SF3A1: variants seen among roughly 807,000 people sequenced by gnomAD.
SF3A1 encodes the protein SAP 114.
A neutral mutation model predicts 89.9 loss-of-function variants in SF3A1; 13 were observed. That is an observed-to-expected ratio of 0.14 (90% CI 0.09 to 0.23). The LOEUF (loss-of-function observed/expected upper bound fraction) is 0.23, where lower values mean the gene tolerates loss of function less well. SF3A1 is among the 10% of genes least tolerant of loss of function. The pLI, the probability that SF3A1 is intolerant of heterozygous loss-of-function variation, is 1.00. For synonymous variants in SF3A1, 405 were observed against 374.4 expected (o/e 1.08, Z -0.94); for missense variants, 604 against 1,022.1 (o/e 0.59, Z 5.58).
chr22:30,346,620 C>T, intron 2 of SF3A1, 101 bp from the exon 3 acceptor site: 1 of 1,345,840 alleles, frequency 7.4e-7, no homozygotes, highest in African/African-American at 1.4e-5. Context: ...CCACCCACTG[C>T]TCAAACCAGC....
At chr22:30,338,094 CT>C (rs1408915467) in intron 11 of SF3A1, among the ~76,000 whole-genome samples, 197 bp from the exon 12 acceptor site, 1 of 152,166 alleles carries the variant, frequency 6.6e-6, no homozygotes, top group Non-Finnish European at 1.5e-5. Context: ...GGATGACACT[CT>C]CTCTACTTGG....
rs756617459 is a variant in SF3A1 at position 30,335,660 on chromosome 22, T to C, written c.2200A>G (p.Thr734Ala). Residue 734 changes from threonine (T) to alanine (A), a missense_variant, in exon 14 of 16, where the codon ACG (threonine) becomes GCG (alanine). This residue lies in a region of SF3A1 where 74 missense variants were observed against 141.3 expected (regional missense o/e 0.52). Coordinates refer to ENST00000215793, the MANE Select transcript of SF3A1 (RefSeq NM_005877.6). ...TCTGGCAGTACCCATACCTGGTCCG[T>C]GAGTGGGAGGGTGAAGACCAGCACC... The part of the protein sequence containing the change: ...GQVLVFTLPL[T>A]DQVSVIKVKI... 1 of 1,614,170 alleles carries C rather than the reference T, an allele frequency of 6.2e-7. No individual in the cohort carries two copies. The highest frequency in any genetic ancestry group is 8.5e-7 in the Non-Finnish European group (1 of 1,179,984).
At position 30,332,723 on chromosome 22, in the gene SF3A1, G is replaced by A. The variant is rs896795508; in HGVS notation, c.*1871C>T. 2.6e-5 allele frequency: 4 copies of A among 152,192 alleles called. No individual in the cohort carries two copies. Among genetic ancestry groups the A allele is most frequent in the African/African-American group, 7.2e-5 (3 of 41,446 alleles). 9.4% of individuals were successfully genotyped at this position (152,192 alleles called of 1,614,324 possible). A position where few individuals can be genotyped will look rare whatever the true frequency, so the allele number is the denominator to read the frequency against. On this transcript the variant is annotated 3_prime_UTR_variant, in exon 16 of 16. Transcript: ENST00000215793. The stretch of plus-strand genomic sequence containing the variant: ...GTCAATGGAGCTTCTGCATCTGAGC[G>A]AGCCAGTACAGATATTCATTCAGGA...
chr22:30,349,960 G>C (rs186769688), intron 2 of SF3A1, among the ~76,000 whole-genome samples: 2 of 152,160 alleles, frequency 1.3e-5, no homozygotes, highest in African/African-American at 4.8e-5. Flanking sequence ...TATTTAAAGG[G>C]ACCTTGGATA....
chr22:30,356,313 T>C (rs1931835338), intron 1 of SF3A1, among the ~76,000 whole-genome samples: 1 of 152,200 alleles, frequency 6.6e-6, no homozygotes. Flanking sequence ...CATCCAAAGA[T>C]GTACCGTGCA....
At chr22:30,345,218 G>C (rs1050209810) in intron 3 of SF3A1, 28 bp from the exon 4 acceptor site, 1 of 1,602,478 alleles carries the variant, frequency 6.2e-7, no homozygotes, top group Non-Finnish European at 8.5e-7. Flanking sequence ...TATGAGGCGA[G>C]AGGCACAGGG....
chr22:30,340,062 C>T (rs1377120119), intron 9 of SF3A1, 134 bp downstream of exon 9: 5 of 713,726 alleles, frequency 7.0e-6, no homozygotes, highest in Non-Finnish European at 1.0e-5. Context: ...GTGGGGAGTT[C>T]TCTTGCAATA....
chr22:30,340,144 G>T, intron 9 of SF3A1, 52 bp downstream of exon 9: 1 of 1,391,950 alleles, frequency 7.2e-7, no homozygotes. Flanking sequence ...CTTAGAAGAA[G>T]ATGGCTGTAA....
At position 30,345,839 on chromosome 22, in the gene SF3A1, T is replaced by C. The variant is rs141575225; in HGVS notation, c.393+473A>G. ...TCCTAATAGTCCCTAGTGCTGGGCC[T>C]CAGCACAGGGAAGGTGGTATCAGGG... On this transcript the variant is annotated intron_variant, in intron 3 of 15. Coordinates refer to ENST00000215793, the MANE Select transcript of SF3A1 (RefSeq NM_005877.6). 2.1e-3 allele frequency among the ~76,000 whole-genome samples: 316 copies of C among 152,138 alleles called. 4 individuals carry two copies. The highest frequency in any genetic ancestry group is 7.2e-3 in the African/African-American group (300 of 41,486).
At chr22:30,340,474 A>T in intron 8 of SF3A1, 93 bp from the exon 9 acceptor site, 1 of 1,297,272 alleles carries the variant, frequency 7.7e-7, no homozygotes, top group South Asian at 1.2e-5. Context: ...TCATCAAGGC[A>T]TCTATTCAGT....
At position 30,356,818 on chromosome 22, in the gene SF3A1, C is replaced by A; in HGVS notation, c.-26G>T. ...GACTGCGACGCTCAGGGCTGCCAGT[C>A]CGCCTCGGTGTCGGTGAGCGGTGCC... On this transcript the variant is annotated 5_prime_UTR_variant, in exon 1 of 16. Coordinates refer to ENST00000215793, the MANE Select transcript of SF3A1 (RefSeq NM_005877.6). 1 of 1,333,760 alleles carries A rather than the reference C, an allele frequency of 7.5e-7. No homozygotes were observed. Among genetic ancestry groups the A allele is most frequent in the Non-Finnish European group, 9.7e-7 (1 of 1,033,066 alleles). The allele number at this position is 1,333,760 out of a possible 1,614,324, so 82.6% of individuals were successfully genotyped here. A position where few individuals can be genotyped will look rare whatever the true frequency, so the allele number is the denominator to read the frequency against.
At position 30,343,948 on chromosome 22, in the gene SF3A1, A is replaced by G. The variant is rs868744565; in HGVS notation, c.651+985T>C. On this transcript the variant is annotated intron_variant, in intron 4 of 15. Coordinates refer to ENST00000215793, the MANE Select transcript of SF3A1 (RefSeq NM_005877.6). ...TTTGAGGTGTTGTTTCTGGATATGA[A>G]GAAGAGATGTACAGACCATCCCACT... Among the ~76,000 whole-genome samples the G allele has an allele frequency of 3.9e-5, 6 of 152,360 alleles. No homozygotes were observed. The South Asian group carries it at 8.3e-4, about 21-fold the overall frequency.
intron 2 of SF3A1, among the ~76,000 whole-genome samples, chr22:30,351,392 T>C (rs1443767405): frequency 2.0e-5 from 3 of 152,184 alleles, no homozygotes; most frequent in Non-Finnish European, 4.4e-5. Context: ...AAATGATGCA[T>C]ACTGACTGAG....
At chr22:30,343,589 G>A (rs1342895314) in intron 4 of SF3A1, among the ~76,000 whole-genome samples, 1 of 152,126 alleles carries the variant, frequency 6.6e-6, no homozygotes, top group Non-Finnish European at 1.5e-5. Context: ...AGTCTTCCAT[G>A]GCTAGAACAG....
intron 8 of SF3A1, 138 bp from the exon 9 acceptor site, chr22:30,340,519 G>A (rs867297105): frequency 1.1e-6 from 1 of 943,806 alleles, no homozygotes; most frequent in Non-Finnish European, 1.7e-6. Context: ...AAAGGCACTA[G>A]GGCACCAGAG....
rs1423516239 is a variant in SF3A1 at position 30,353,001 on chromosome 22, A to G, written c.135T>C (p.Pro45=). ...CAACAATATTTCTGACCTCTGGAGGAGGGTAAATAATCCCCACAACTGGCT... is the reference window on the plus strand; with the variant it reads ...CAACAATATTTCTGACCTCTGGAGGGGGGTAAATAATCCCCACAACTGGCT... The part of the protein sequence containing the change: ...PSKPVVGIIY[P]PPEVRNIVDK... Residue 45 remains proline, a synonymous_variant, in exon 2 of 16, where the codon CCT becomes CCC. Transcript: ENST00000215793. 1 of 1,614,198 alleles carries G rather than the reference A, an allele frequency of 6.2e-7. No homozygotes were observed. The highest frequency in any genetic ancestry group is 1.7e-5 in the Admixed American group (1 of 60,028).
At position 30,337,041 on chromosome 22, in the gene SF3A1, G is replaced by T; in HGVS notation, c.2091C>A (p.Phe697Leu). Residue 697 changes from phenylalanine to leucine, a missense_variant, in exon 13 of 16, where the codon TTC (phenylalanine) becomes TTA (leucine). Transcript: ENST00000215793. ...GATTACATACCTTGTTTCTGCGCAG[G>T]AACTCCTCCTCTGGCATGAGGCTGT... ...TEDSLMPEEE[F>L]LRRNKGPVSI... 1 of 1,614,174 alleles carries T rather than the reference G, an allele frequency of 6.2e-7. No homozygotes were observed. Among genetic ancestry groups the T allele is most frequent in the South Asian group, 1.1e-5 (1 of 91,090 alleles).
At chr22:30,348,351 A>C (rs997267155) in intron 2 of SF3A1, among the ~76,000 whole-genome samples, 2 of 152,084 alleles carry the variant, frequency 1.3e-5, no homozygotes, top group African/African-American at 4.8e-5. Flanking sequence ...TGAGTTTAAG[A>C]GGGGGTGGGA....
intron 2 of SF3A1, among the ~76,000 whole-genome samples, chr22:30,347,857 T>TGAGGAGA (rs1931465885): frequency 6.6e-6 from 1 of 152,224 alleles, no homozygotes; most frequent in Non-Finnish European, 1.5e-5. Flanking sequence ...TGTTTTTGTT[T>TGAGGAGA]TATAGACAGG....
Sources: gnomAD v4.1 joint callset for allele counts (sites outside exome capture counted in the v4.1 genomes callset) on GRCh38, gnomAD v4.1.1 for gene constraint, gnomAD v4.1.1 regional missense constraint, MANE v1.5 for transcripts, NCBI Gene and HGNC (gene_info 2026-07-23, HGNC 2026-07-21) for gene names.